STAM: variants seen among roughly 807,000 people sequenced by gnomAD.
STAM encodes signal transducing adapter molecule 1.
Under a neutral mutation model 63.4 loss-of-function variants are expected in STAM, and 16 were observed. The ratio of observed to expected loss-of-function variants is 0.25; its 90% confidence interval spans 0.17 to 0.38. STAM has a LOEUF of 0.38. Among genes scored for constraint, STAM ranks in the 10% least tolerant of loss-of-function variants. STAM has a pLI of 1.00. For missense variants in STAM, 636 were observed against 657.1 expected (o/e 0.97, Z 0.35); for synonymous variants, 238 against 223.9 (o/e 1.06, Z -0.56).
chr10:17,675,391 C>T (rs561262947), intron 2 of STAM, among the ~76,000 whole-genome samples: 2 of 151,876 alleles, frequency 1.3e-5, no homozygotes, highest in South Asian at 4.2e-4. Context: ...GTTATCTCAG[C>T]TACTTGGAAG....
chr10:17,708,966 G>A lies in STAM; in HGVS notation c.1385+15G>A. ...GCTTACCCAAAGTAATTTTACTGTT[G>A]ATTCTTGTTTGGAGTTAGTGCTGTT... On this transcript the variant is annotated intron_variant, in intron 13 of 13. Transcript: ENST00000377524. 6.2e-7 allele frequency: 1 copy of A among 1,611,574 alleles called. No individual in the cohort carries two copies. Among genetic ancestry groups the A allele is most frequent in the Non-Finnish European group, 8.5e-7 (1 of 1,178,366 alleles).
chr10:17,696,538 C>T (rs1835766795), intron 7 of STAM: 1 of 397,732 alleles, frequency 2.5e-6, no homozygotes, highest in Non-Finnish European at 4.5e-6. Context: ...GGAGAGAGTC[C>T]ATAACTGCAG....
chr10:17,692,565 A>G (rs1835586658), intron 5 of STAM, among the ~76,000 whole-genome samples: 1 of 152,212 alleles, frequency 6.6e-6, no homozygotes, highest in African/African-American at 2.4e-5. Context: ...TGCTATGCAA[A>G]AACTGAGAGG....
At chr10:17,651,326 T>G (rs1043777732) in intron 1 of STAM, among the ~76,000 whole-genome samples, 4 of 152,210 alleles carry the variant, frequency 2.6e-5, no homozygotes, top group Non-Finnish European at 5.9e-5. Context: ...AGATGATGCA[T>G]GTAAAGCACT....
chr10:17,653,853 C>T (rs2131566169), intron 1 of STAM, among the ~76,000 whole-genome samples: 1 of 152,300 alleles, frequency 6.6e-6, no homozygotes, highest in East Asian at 1.9e-4. Flanking sequence ...CCCATGTATA[C>T]CAAGAGACAA....
At chr10:17,674,412 TAGGGTCATCTGA>T (rs1589055081) in intron 2 of STAM, among the ~76,000 whole-genome samples, 1 of 152,152 alleles carries the variant, frequency 6.6e-6, no homozygotes, top group Admixed American at 6.5e-5. Flanking sequence ...TGCCTGGGAC[TAGGGTCATCTGA>T]AGGCTTCACT....
intron 13 of STAM, among the ~76,000 whole-genome samples, chr10:17,714,154 C>T (rs1250586884): frequency 6.6e-6 from 1 of 152,164 alleles, no homozygotes; most frequent in African/African-American, 2.4e-5. Flanking sequence ...CTACCATAAA[C>T]TAGAATCCCT....
At chr10:17,678,260 A>ATTT (rs34286916) in intron 2 of STAM, among the ~76,000 whole-genome samples, 6 of 150,104 alleles carry the variant, frequency 4.0e-5, no homozygotes, top group African/African-American at 7.3e-5. Context: ...ATGTGGTGTA[A>ATTT]TTTTTTTTTT....
chr10:17,664,706 G>C (rs1029665390), intron 2 of STAM, among the ~76,000 whole-genome samples: 3 of 152,132 alleles, frequency 2.0e-5, no homozygotes, highest in Non-Finnish European at 4.4e-5. Flanking sequence ...TTCAGGTAGA[G>C]TCTTTTGAAG....
chr10:17,699,699 C>T (rs1032460027), intron 8 of STAM, among the ~76,000 whole-genome samples: 7 of 152,178 alleles, frequency 4.6e-5, no homozygotes, highest in Non-Finnish European at 7.3e-5. Context: ...CTACGTGGCA[C>T]GCCAGATAAT....
chr10:17,708,043 A>G (rs1189974288), intron 12 of STAM, among the ~76,000 whole-genome samples: 2 of 152,072 alleles, frequency 1.3e-5, no homozygotes, highest in Non-Finnish European at 1.5e-5. Context: ...GGCGCCCGCC[A>G]CCACGCCTGG....
chr10:17,692,207 C>G (rs11813888), intron 5 of STAM, among the ~76,000 whole-genome samples: 1 of 152,142 alleles, frequency 6.6e-6, no homozygotes, highest in Non-Finnish European at 1.5e-5. Context: ...GAACTCATGT[C>G]TGTCTGACTC....
At chr10:17,698,398 T>C (rs1455579075) in intron 8 of STAM, among the ~76,000 whole-genome samples, 1 of 151,826 alleles carries the variant, frequency 6.6e-6, no homozygotes, top group African/African-American at 2.4e-5. Context: ...AAGGATCTCA[T>C]GTAGATCCTG....
intron 11 of STAM, 93 bp downstream of exon 11, chr10:17,705,117 A>G: frequency 9.5e-7 from 1 of 1,052,944 alleles, no homozygotes; most frequent in East Asian, 2.4e-5. Context: ...TTTAAAAAAA[A>G]AATATTGTGG....
intron 1 of STAM, among the ~76,000 whole-genome samples, chr10:17,657,762 T>C (rs1833998021): frequency 6.6e-6 from 1 of 152,174 alleles, no homozygotes; most frequent in Non-Finnish European, 1.5e-5. Context: ...GTTCATAATA[T>C]TCCTTCATTT....
At chr10:17,668,050 A>G (rs1177518345) in intron 2 of STAM, among the ~76,000 whole-genome samples, 2 of 152,244 alleles carry the variant, frequency 1.3e-5, no homozygotes, top group African/African-American at 4.8e-5. Context: ...TCCAAGGTCC[A>G]TCGGAGTTAA....
intron 2 of STAM, among the ~76,000 whole-genome samples, chr10:17,675,215 C>T (rs1554824515): frequency 6.6e-6 from 1 of 152,148 alleles, no homozygotes; most frequent in East Asian, 1.9e-4. Context: ...AAGATAATAG[C>T]ATTTTTTGGC....
intron 12 of STAM, among the ~76,000 whole-genome samples, chr10:17,707,438 TA>T (rs1836341868): frequency 6.6e-6 from 1 of 151,382 alleles, no homozygotes. Context: ...TAATAATAAA[TA>T]AAAACAAAAC....
At chr10:17,672,172 C>A (rs1199101949) in intron 2 of STAM, among the ~76,000 whole-genome samples, 1 of 152,166 alleles carries the variant, frequency 6.6e-6, no homozygotes, top group Non-Finnish European at 1.5e-5. Flanking sequence ...TTCAGATAAT[C>A]TCACTAACTG....
Sources: allele counts gnomAD v4.1 joint callset (sites outside exome capture counted in the v4.1 genomes callset), GRCh38; gene constraint gnomAD v4.1.1; transcripts MANE v1.5; gene names NCBI Gene and HGNC (gene_info 2026-07-23, HGNC 2026-07-21).